Variants in DSCAML1 observed in about 807,000 individuals in gnomAD.
DSCAML1 encodes cell adhesion molecule DSCAML1.
Under a neutral mutation model 200.5 loss-of-function variants are expected in DSCAML1, and 38 were observed. The observed-to-expected ratio is 0.19, with a 90% confidence interval of 0.15 to 0.25. The LOEUF (loss-of-function observed/expected upper bound fraction) is 0.25. Among genes scored for constraint, DSCAML1 ranks in the 10% least tolerant of loss-of-function variants. The probability of loss-of-function intolerance (pLI) is 1.00; values close to 1 mark genes in which losing one functional copy is unlikely to be tolerated. For synonymous variants in DSCAML1, 1,215 were observed against 1,165.0 expected (o/e 1.04, Z -0.87); for missense variants, 2,223 against 2,858.8 (o/e 0.78, Z 5.07).
intron 19 of DSCAML1, among the ~76,000 whole-genome samples, chr11:117,452,343 G>C (rs924592726): frequency 2.0e-5 from 3 of 152,176 alleles, no homozygotes; most frequent in African/African-American, 7.2e-5. Context: ...AGTAAATTGA[G>C]TCTTTTATCA....
intron 3 of DSCAML1, among the ~76,000 whole-genome samples, chr11:117,630,115 G>A (rs1235419285): frequency 6.6e-6 from 1 of 152,178 alleles, no homozygotes; most frequent in African/African-American, 2.4e-5. Flanking sequence ...TGTCCCCATG[G>A]AGAAAGCGCG....
intron 3 of DSCAML1, among the ~76,000 whole-genome samples, chr11:117,689,925 A>C (rs564544733): frequency 2.0e-5 from 3 of 152,218 alleles, no homozygotes; most frequent in Non-Finnish European, 4.4e-5. Context: ...GAAATAATGA[A>C]TAGGAGCAGG....
At chr11:117,638,587 G>T (rs184262200) in intron 3 of DSCAML1, among the ~76,000 whole-genome samples, 37 of 152,178 alleles carry the variant, frequency 2.4e-4, no homozygotes, top group African/African-American at 8.9e-4. Flanking sequence ...TGTCTCAATG[G>T]ATTTACCAAT....
intron 3 of DSCAML1, among the ~76,000 whole-genome samples, chr11:117,630,658 C>CA (rs56741831): frequency 0.03 from 1,378 of 45,558 alleles, 320 homozygotes; most frequent in Middle Eastern, 0.056. Context: ...ATAAAGTGGC[C>CA]AAAAAAAAAA....
chr11:117,695,502 A>G (rs2053574907), intron 3 of DSCAML1, among the ~76,000 whole-genome samples: 1 of 152,040 alleles, frequency 6.6e-6, no homozygotes, highest in African/African-American at 2.4e-5. Context: ...ACGTAGAACA[A>G]GACAAGAGAG....
At chr11:117,566,340 TTCTC>T (rs57468415) in intron 3 of DSCAML1, among the ~76,000 whole-genome samples, 2 of 141,792 alleles carry the variant, frequency 1.4e-5, no homozygotes, top group Non-Finnish European at 3.0e-5. Flanking sequence ...TTTCTTTTCT[TTCTC>T]TCTCTCTCTC....
chr11:117,609,041 A>AC (rs1369186566), intron 3 of DSCAML1, among the ~76,000 whole-genome samples: 12 of 151,312 alleles, frequency 7.9e-5, no homozygotes, highest in South Asian at 2.1e-4. Context: ...CAAACAAAAA[A>AC]AACAAAAATT....
chr11:117,706,551 C>T (rs555088802), intron 3 of DSCAML1, among the ~76,000 whole-genome samples: 3 of 152,280 alleles, frequency 2.0e-5, no homozygotes, highest in African/African-American at 7.2e-5. Context: ...GCGTTCTGGG[C>T]CGGATTGACT....
At chr11:117,627,866 A>G (rs2052087443) in intron 3 of DSCAML1, among the ~76,000 whole-genome samples, 1 of 151,292 alleles carries the variant, frequency 6.6e-6, no homozygotes, top group Admixed American at 6.6e-5. Flanking sequence ...TTCCCCTCAG[A>G]CTTCATGAGT....
intron 1 of DSCAML1, among the ~76,000 whole-genome samples, chr11:117,789,989 C>T (rs1360205142): frequency 1.3e-5 from 2 of 152,146 alleles, no homozygotes; most frequent in Non-Finnish European, 2.9e-5. Flanking sequence ...CTTAAAGATG[C>T]CTTCCAACCC....
At chr11:117,491,362 A>C (rs1272197869) in intron 11 of DSCAML1, among the ~76,000 whole-genome samples, 1 of 152,196 alleles carries the variant, frequency 6.6e-6, no homozygotes, top group African/African-American at 2.4e-5. Context: ...TTCACTTCAC[A>C]GATGGGGAAA....
Position 117,512,985 on chromosome 11 carries a change from G to A in DSCAML1, c.1783+3482C>T, listed in dbSNP as rs974215342. Among the ~76,000 whole-genome samples the A allele has an allele frequency of 6.6e-5, 10 of 152,240 alleles. No homozygotes were observed. The East Asian group carries it at 1.5e-3, about 24-fold the overall frequency. ...GCAGAAGCAGCTTTCAGGACGTTCC[G>A]AGTCCTCTGAGGCCCGCTGCACCCG... is the stretch of plus-strand genomic sequence containing the variant. On this transcript the variant is annotated intron_variant, in intron 8 of 32. Transcript: ENST00000651296.
At chr11:117,438,696 C>T (rs1207802909) in intron 24 of DSCAML1, among the ~76,000 whole-genome samples, 189 bp downstream of exon 24, 1 of 152,148 alleles carries the variant, frequency 6.6e-6, no homozygotes, top group Admixed American at 6.5e-5. Context: ...GAGGGGCGGG[C>T]GTACTAAATC....
chr11:117,694,175 G>C (rs1182433367), intron 3 of DSCAML1, among the ~76,000 whole-genome samples: 2 of 151,404 alleles, frequency 1.3e-5, no homozygotes, highest in East Asian at 3.9e-4. Flanking sequence ...GGCTGAGGTG[G>C]ATGGATCACT....
intron 26 of DSCAML1, 143 bp downstream of exon 26, chr11:117,436,979 A>G: frequency 8.3e-7 from 1 of 1,200,924 alleles, no homozygotes; most frequent in Non-Finnish European, 1.1e-6. Context: ...CAGCCCCTTC[A>G]CCTGCAGGCC....
In DSCAML1 at chr11:117,505,627, C is replaced by T. The variant is rs1468004845; in HGVS notation, c.1889G>A (p.Trp630Ter). The change falls in exon 9 of 33, where the codon TGG (tryptophan) becomes TAG (stop). Residue 630 changes from tryptophan (W) to a stop codon, truncating the protein, a stop_gained. Coordinates refer to ENST00000651296, the MANE Select transcript of DSCAML1 (RefSeq NM_020693.4). LOFTEE classifies it high-confidence loss of function. The surrounding 1 kb of genome is among the most constrained non-coding windows in gnomAD (Gnocchi z 6.7). ...GATGATCACCTGTCCGTCCTTCCTC[C>T]AGGTGATACGGATGGGCATGTCCCC... Reference protein sequence around the residue: ...SSGDMPIRITWRKDGQVIISG... With the variant: ...SSGDMPIRIT 1 of 1,613,962 alleles carries T rather than the reference C, an allele frequency of 6.2e-7. No individual in the cohort carries two copies. The highest frequency in any genetic ancestry group is 8.5e-7 in the Non-Finnish European group (1 of 1,180,048).
intron 3 of DSCAML1, among the ~76,000 whole-genome samples, chr11:117,733,494 A>C (rs1256032948): frequency 7.2e-5 from 11 of 152,168 alleles, no homozygotes; most frequent in Admixed American, 7.2e-4. Flanking sequence ...CTGACTACGA[A>C]AGGATTACAG....
chr11:117,559,632 G>A (rs554518511), intron 3 of DSCAML1, among the ~76,000 whole-genome samples: 23 of 152,110 alleles, frequency 1.5e-4, no homozygotes, highest in East Asian at 3.9e-4. Flanking sequence ...CCCCCCTCTC[G>A]TTGCAAATCT....
At position 117,532,435 on chromosome 11, in the gene DSCAML1, G is replaced by A; in HGVS notation, c.599C>T (p.Thr200Ile). 1 of 1,614,190 alleles carries A rather than the reference G, an allele frequency of 6.2e-7. No individual in the cohort carries two copies. Among genetic ancestry groups the A allele is most frequent in the Non-Finnish European group, 8.5e-7 (1 of 1,180,034 alleles). ...GGTCTCCCCGCTATACTTGTGCTTG[G>A]TGATGCAGCGATAGGTGGAGAGGGC... ...EDALSTYRCI[T>I]KHKYSGETRQ... The change falls in exon 4 of 33, where the codon ACC becomes ATC. Residue 200 changes from threonine (T) to isoleucine (I), a missense_variant. Around this residue, in one of 7 missense-constraint regions of DSCAML1, gnomAD observed 579 missense variants for 721.5 expected, o/e 0.80. Transcript: ENST00000651296.
Sources: gnomAD v4.1 joint callset for allele counts (sites outside exome capture counted in the v4.1 genomes callset) on GRCh38, gnomAD v4.1.1 for gene constraint, gnomAD v4.1.1 regional missense constraint, Gnocchi (gnomAD v3.1) non-coding constraint, MANE v1.5 for transcripts, NCBI Gene and HGNC (gene_info 2026-07-23, HGNC 2026-07-21) for gene names.